The following SBF2 variants were observed in gnomAD, a reference collection of about 807,000 sequenced individuals.
SBF2 encodes myotubularin-related protein 13.
In SBF2, 112 loss-of-function variants were observed where a neutral mutation model predicts 225.2. The observed-to-expected ratio is 0.50, with a 90% CI of 0.43 to 0.58. The LOEUF is 0.58. SBF2 is among the 20% of genes least tolerant of loss of function. The pLI, the probability that SBF2 is intolerant of heterozygous loss-of-function variation, is 0.00. For missense variants in SBF2, 1,996 were observed against 2,206.2 expected, an observed-to-expected ratio of 0.90 and a Z score of 1.91; for synonymous variants, 763 against 773.3, an observed-to-expected ratio of 0.99 and a Z score of 0.22.
chr11:10,116,783 C>T (rs1026177878), intron 2 of SBF2, among the ~76,000 whole-genome samples: 3 of 152,150 alleles, frequency 2.0e-5, no homozygotes, highest in Non-Finnish European at 4.4e-5. Context: ...CTCTTACTAG[C>T]AGGAAAAACC....
intron 2 of SBF2, among the ~76,000 whole-genome samples, chr11:10,069,056 TG>T: frequency 6.6e-6 from 1 of 152,216 alleles, no homozygotes; most frequent in Non-Finnish European, 1.5e-5. Flanking sequence ...TACATATGTA[TG>T]TGTGCATATA....
chr11:10,085,505 TCATA>T (rs1429754383), intron 2 of SBF2, among the ~76,000 whole-genome samples: 1 of 152,216 alleles, frequency 6.6e-6, no homozygotes, highest in African/African-American at 2.4e-5. Flanking sequence ...TGGATTCTCT[TCATA>T]CATACATTTC....
upstream of SBF2, among the ~76,000 whole-genome samples, chr11:10,299,089 A>G (rs1467255701): frequency 6.6e-6 from 1 of 152,202 alleles, no homozygotes; most frequent in Admixed American, 6.5e-5. Context: ...CTGTAATCGC[A>G]GCACTTTGGG....
chr11:9,896,084 T>C (rs548705803), intron 16 of SBF2, 73 bp from the exon 17 acceptor site: 1 of 1,138,912 alleles, frequency 8.8e-7, no homozygotes, highest in Non-Finnish European at 1.3e-6. Flanking sequence ...AACTAACATC[T>C]GGGATACACT....
At chr11:10,156,330 T>C (rs1955474572) in intron 2 of SBF2, among the ~76,000 whole-genome samples, 1 of 152,202 alleles carries the variant, frequency 6.6e-6, no homozygotes, top group Non-Finnish European at 1.5e-5. Flanking sequence ...TGAAGACAGA[T>C]GGGTGCAGGC....
Position 9,992,989 on chromosome 11 carries a change from C to A in SBF2, c.1167+1G>T. On this transcript the variant is annotated splice_donor_variant, in intron 11 of 39. Coordinates refer to ENST00000256190, the MANE Select transcript of SBF2 (RefSeq NM_030962.4). LOFTEE classifies it high-confidence loss of function. ...AGATACAATATAGTACTCTATCTTA[C>A]CTTGTGGAAATGTATTACTGGCTCT... 1 of 1,588,916 alleles carries A rather than the reference C, an allele frequency of 6.3e-7. No homozygotes were observed. Among genetic ancestry groups the A allele is most frequent in the Non-Finnish European group, 8.6e-7 (1 of 1,159,026 alleles).
At chr11:9,936,660 G>A (rs565820521) in intron 16 of SBF2, among the ~76,000 whole-genome samples, 14 of 152,262 alleles carry the variant, frequency 9.2e-5, no homozygotes, top group African/African-American at 2.9e-4. Context: ...GCAGGGATAT[G>A]GATGAGGCTG....
At chr11:10,168,799 T>A (rs1300256638) in intron 2 of SBF2, among the ~76,000 whole-genome samples, 3 of 152,206 alleles carry the variant, frequency 2.0e-5, no homozygotes, top group Non-Finnish European at 4.4e-5. Flanking sequence ...TTCCACCTCA[T>A]CTTTTTATCA....
intron 29 of SBF2, 174 bp from the exon 30 acceptor site, chr11:9,812,882 A>G: frequency 3.0e-6 from 2 of 666,090 alleles, no homozygotes; most frequent in Non-Finnish European, 5.3e-6. Flanking sequence ...TGGTGGGAAC[A>G]GCCATTCAGT....
intron 1 of SBF2, among the ~76,000 whole-genome samples, chr11:10,262,265 G>A (rs1424028665): frequency 6.6e-6 from 1 of 152,142 alleles, no homozygotes; most frequent in Non-Finnish European, 1.5e-5. Context: ...GATAAAACAG[G>A]TATAATAAAA....
intron 1 of SBF2, among the ~76,000 whole-genome samples, chr11:10,226,037 C>A (rs893003442): frequency 6.6e-6 from 1 of 151,974 alleles, no homozygotes; most frequent in Non-Finnish European, 1.5e-5. Context: ...TACTATAAAA[C>A]TGAAAACACT....
chr11:10,078,829 C>T (rs1565205604), intron 2 of SBF2, among the ~76,000 whole-genome samples: 1 of 152,064 alleles, frequency 6.6e-6, no homozygotes, highest in Non-Finnish European at 1.5e-5. Flanking sequence ...AACAGACAAG[C>T]TCTGTGTGAC....
intron 1 of SBF2, among the ~76,000 whole-genome samples, chr11:10,217,066 T>C (rs1321110663): frequency 3.3e-5 from 5 of 152,208 alleles, no homozygotes; most frequent in African/African-American, 9.7e-5. Flanking sequence ...ATGGACACTA[T>C]ACATTTGATA....
At chr11:10,070,989 G>C (rs1391040865) in intron 2 of SBF2, among the ~76,000 whole-genome samples, 1 of 152,150 alleles carries the variant, frequency 6.6e-6, no homozygotes. Context: ...AGGAATGCTT[G>C]TGATTTTTGC....
chr11:9,904,919 A>G (rs6483804), intron 16 of SBF2, among the ~76,000 whole-genome samples: 128,644 of 152,200 alleles, frequency 0.85, 54,701 homozygotes, highest in African/African-American at 0.87. Context: ...ATACTTGGGA[A>G]GCAGAGATGG....
chr11:9,790,487 A>G lies in SBF2; in HGVS notation c.4698+69T>C, dbSNP rs1852670966. ...TATAAAAAGCTTAAACTGCTTATAT[A>G]TGTTAAAACTAAGGAAAACCTTAAC... On this transcript the variant is annotated intron_variant, in intron 34 of 39. Transcript: ENST00000256190. 11 of 1,347,286 alleles carry G rather than the reference A, an allele frequency of 8.2e-6. No homozygotes were observed. In the East Asian group the frequency reaches 2.6e-4, roughly 31 times the overall value. 83.5% of individuals were successfully genotyped at this position (1,347,286 alleles called of 1,614,324 possible).
intron 2 of SBF2, among the ~76,000 whole-genome samples, chr11:10,099,040 CA>C (rs1952169970): frequency 6.6e-6 from 1 of 151,912 alleles, no homozygotes; most frequent in Admixed American, 6.6e-5. Context: ...AAGAAAGAAG[CA>C]AAAGGCTTCT....
chr11:10,272,791 C>T (rs34692066), intron 1 of SBF2, among the ~76,000 whole-genome samples: 70,966 of 150,656 alleles, frequency 0.47, 17,264 homozygotes, highest in Non-Finnish European at 0.54. Flanking sequence ...TAATAACATG[C>T]CGGGCGCGGT....
chr11:9,884,732 T>C (rs970833546), intron 17 of SBF2, among the ~76,000 whole-genome samples: 2 of 152,226 alleles, frequency 1.3e-5, no homozygotes, highest in Non-Finnish European at 2.9e-5. Flanking sequence ...GGAGGCACTG[T>C]AGTTTGTACC....
Sources: gnomAD v4.1 joint callset for allele counts (sites outside exome capture counted in the v4.1 genomes callset) on GRCh38, gnomAD v4.1.1 for gene constraint, MANE v1.5 for transcripts, NCBI Gene and HGNC (gene_info 2026-07-23, HGNC 2026-07-21) for gene names.